The following UGT2B28 variants were observed in gnomAD, a reference collection of about 807,000 sequenced individuals.
UGT2B28 encodes the protein UDP-glucuronosyltransferase 2B28.
UGT2B28 carries 45 observed loss-of-function variants against 43.6 expected under a neutral mutation model. The observed-to-expected ratio is 1.03, with a 90% CI of 0.81 to 1.32. UGT2B28 has a LOEUF of 1.32. UGT2B28 is among the 40% of genes most tolerant of loss of function. UGT2B28 has a pLI of 0.00. For missense variants in UGT2B28, 649 were observed against 625.5 expected (o/e 1.04, Z -0.40); for synonymous variants, 204 against 208.1 (o/e 0.98, Z 0.17).
intron 4 of UGT2B28, 80 bp from the exon 5 acceptor site, chr4:69,290,510 AAC>A: frequency 6.7e-7 from 1 of 1,490,288 alleles, no homozygotes; most frequent in Non-Finnish European, 9.1e-7. Flanking sequence ...TTATCTAGAA[AAC>A]ACTGTCACTT....
intron 3 of UGT2B28, 130 bp downstream of exon 3, chr4:69,287,013 T>C: frequency 7.1e-7 from 1 of 1,403,484 alleles, no homozygotes; most frequent in East Asian, 2.6e-5. Context: ...ATATCTTGTG[T>C]AGCTTCCACC....
intron 3 of UGT2B28, among the ~76,000 whole-genome samples, chr4:69,289,114 G>T (rs549504250): frequency 7.2e-6 from 1 of 139,104 alleles, no homozygotes; most frequent in South Asian, 2.4e-4. Flanking sequence ...CCAGTAATGG[G>T]ATTGCTGGGT....
At chr4:69,282,156 T>C (rs1723632672) in intron 1 of UGT2B28, among the ~76,000 whole-genome samples, 1 of 139,296 alleles carries the variant, frequency 7.2e-6, no homozygotes, top group Non-Finnish European at 1.5e-5. Flanking sequence ...TAATTGATTA[T>C]GGAGCTCAAA....
rs191732259 is a variant in UGT2B28, at chr4:69,283,756, T to A, written c.870+1094T>A. ...TAACATGTGCAAGTCACTTGAGATATCATTCCTCATTTAAGAGAACCAGAT... is the reference window on the plus strand; with the variant it reads ...TAACATGTGCAAGTCACTTGAGATAACATTCCTCATTTAAGAGAACCAGAT... On this transcript the variant is annotated intron_variant, in intron 2 of 5. Transcript: ENST00000335568. Among the ~76,000 whole-genome samples, 292 of 140,732 alleles carry A rather than the reference T, an allele frequency of 2.1e-3. 64 individuals are homozygous for A. The highest frequency in any genetic ancestry group is 7.9e-3 in the African/African-American group (286 of 36,106). The allele number at this position is 140,732 out of a possible 152,430, so 92.3% of individuals were successfully genotyped here. A position where few individuals can be genotyped will look rare whatever the true frequency, so the allele number is the denominator to read the frequency against.
rs147189813 is a variant in UGT2B28 at position 69,294,014 on chromosome 4, G to A, written c.1311-516G>A. On this transcript the variant is annotated intron_variant, in intron 5 of 5. Coordinates refer to ENST00000335568, the MANE Select transcript of UGT2B28 (RefSeq NM_053039.2). ...ACTTACAGATGATAATTCTCACATC[G>A]CATTTTCACAATCTTTCTTACAGCA... 7.9e-5 allele frequency among the ~76,000 whole-genome samples: 11 copies of A among 140,090 alleles called. 2 individuals are homozygous for A. In the East Asian group the frequency reaches 2.1e-3, roughly 26 times the overall value. The allele number at this position is 140,090 out of a possible 152,430, so 91.9% of individuals were successfully genotyped here. A position where few individuals can be genotyped will look rare whatever the true frequency, so the allele number is the denominator to read the frequency against.
chr4:69,286,434 T>C (rs1723777149), intron 2 of UGT2B28, among the ~76,000 whole-genome samples: 1 of 140,512 alleles, frequency 7.1e-6, no homozygotes, highest in Non-Finnish European at 1.5e-5. Context: ...TATAGTATTA[T>C]AAGTGAAGAG....
rs543202069 is a variant in UGT2B28, at chr4:69,293,177, A to G, written c.1311-1353A>G. Reference sequence around the variant, plus strand: ...AAAGACACTTTTGAGTACATATTATATAATTCAATTACATAAACAAGCAAA... The same window carrying G: ...AAAGACACTTTTGAGTACATATTATGTAATTCAATTACATAAACAAGCAAA... On this transcript the variant is annotated intron_variant, in intron 5 of 5. Transcript: ENST00000335568. Among the ~76,000 whole-genome samples the G allele has an allele frequency of 4.3e-5, 6 of 140,692 alleles. 2 individuals are homozygous for G. The South Asian group carries it at 1.4e-3, about 34-fold the overall frequency. The allele number at this position is 140,692 out of a possible 152,430, so 92.3% of individuals were successfully genotyped here. A position where few individuals can be genotyped will look rare whatever the true frequency, so the allele number is the denominator to read the frequency against.
rs1315423158 is a variant in UGT2B28 at position 69,281,173 on chromosome 4, C to T, written c.673C>T (p.Gln225Ter). ...IYVLYFDFWF[Q>*]MCDMKKWDQF... is the part of the protein sequence containing the mutation. ...TGTGCTTTATTTTGACTTTTGGTTCCAAATGTGTGATATGAAGAAGTGGGA... is the reference window on the plus strand; with the variant it reads ...TGTGCTTTATTTTGACTTTTGGTTCTAAATGTGTGATATGAAGAAGTGGGA... Residue 225 changes from glutamine to a stop codon, truncating the protein, a stop_gained, in exon 1 of 6, where the codon CAA becomes TAA. Transcript: ENST00000335568. LOFTEE classifies it high-confidence loss of function. 6.5e-7 allele frequency: 1 copy of T among 1,545,588 alleles called. No individual in the cohort carries two copies. The highest frequency in any genetic ancestry group is 1.2e-5 in the South Asian group (1 of 81,008).
intron 2 of UGT2B28, among the ~76,000 whole-genome samples, chr4:69,285,721 T>A (rs1288812720): frequency 7.1e-6 from 1 of 141,474 alleles, no homozygotes; most frequent in African/African-American, 2.8e-5. Flanking sequence ...AATACTTAAA[T>A]TTAAATATCG....
Position 69,286,352 on chromosome 4 carries a change from G to C in UGT2B28, c.871-400G>C, listed in dbSNP as rs187013921. 1.0e-4 allele frequency among the ~76,000 whole-genome samples: 14 copies of C among 140,618 alleles called. 4 individuals carry two copies. Among genetic ancestry groups the C allele is most frequent in the African/African-American group, 3.6e-4 (13 of 35,938 alleles). The allele number at this position is 140,618 out of a possible 152,430, so 92.3% of individuals were successfully genotyped here. ...GAAAACATGCCTGAAATAAACACAAGTGTTTAAGTAGAAGAAAAATATAGC... is the reference window on the plus strand; with the variant it reads ...GAAAACATGCCTGAAATAAACACAACTGTTTAAGTAGAAGAAAAATATAGC... On this transcript the variant is annotated intron_variant, in intron 2 of 5. Coordinates refer to ENST00000335568, the MANE Select transcript of UGT2B28 (RefSeq NM_053039.2).
rs1440364058 is a variant in UGT2B28, at chr4:69,282,809, T to A, written c.870+147T>A. ...AGCAGATACCAAATAGAAACTCATG[T>A]ATATGTTAATACCATCACATGTATG... On this transcript the variant is annotated intron_variant, in intron 2 of 5. Coordinates refer to ENST00000335568, the MANE Select transcript of UGT2B28 (RefSeq NM_053039.2). 6.6e-6 allele frequency: 8 copies of A among 1,214,924 alleles called. 1 individual carries two copies. The Admixed American group carries it at 1.8e-4, about 28-fold the overall frequency. 75.3% of individuals were successfully genotyped at this position (1,214,924 alleles called of 1,614,324 possible).
chr4:69,291,317 A>G, intron 5 of UGT2B28, among the ~76,000 whole-genome samples: 1 of 140,482 alleles, frequency 7.1e-6, no homozygotes, highest in East Asian at 2.0e-4. Flanking sequence ...TCATGAAACT[A>G]TCACCATCAT....
rs749024093 is a variant in UGT2B28 at position 69,282,543 on chromosome 4, G to A, written c.751G>A (p.Gly251Arg). Residue 251 changes from glycine to arginine, a missense_variant, in exon 2 of 6, where the codon GGG becomes AGG. Physicochemically the swap from Gly to Arg is moderately radical, Grantham distance 125 (BLOSUM62 -2). Transcript: ENST00000335568. ...GRPTTLFETM[G>R]KADIWLMRNS... ...ACCCACTACCTTATTTGAGACAATGGGGAAAGCTGACATATGGCTTATGCG... is the reference window on the plus strand; with the variant it reads ...ACCCACTACCTTATTTGAGACAATGAGGAAAGCTGACATATGGCTTATGCG... 1.4e-5 allele frequency: 22 copies of A among 1,549,868 alleles called. 5 individuals carry two copies. In the African/African-American group the frequency reaches 3.1e-4, roughly 22 times the overall value.
rs1723675987 is a variant in UGT2B28 at position 69,283,303 on chromosome 4, G to T, written c.870+641G>T. On this transcript the variant is annotated intron_variant, in intron 2 of 5. Transcript: ENST00000335568. ...TTTTTAGGGAATGATTAAGAATCTA[G>T]ATCATACTAAGAGGTAAATTAGAGC... is the stretch of plus-strand genomic sequence containing the variant. 1.4e-5 allele frequency among the ~76,000 whole-genome samples: 2 copies of T among 139,804 alleles called. 1 individual carries two copies. Among genetic ancestry groups the T allele is most frequent in the East Asian group, 4.1e-4 (2 of 4,906 alleles). 91.7% of individuals were successfully genotyped at this position (139,804 alleles called of 152,430 possible).
rs769933935 is a variant in UGT2B28, at chr4:69,290,845, T to A, written c.1310+34T>A. ...AACAGTATTTTTCACTAGGTGGTAT[T>A]TGTAGATAGCTTCTCTTTTCAATAG... is the stretch of plus-strand genomic sequence containing the variant. On this transcript the variant is annotated intron_variant, in intron 5 of 5. Coordinates refer to ENST00000335568, the MANE Select transcript of UGT2B28 (RefSeq NM_053039.2). The A allele has an allele frequency of 4.7e-5, 73 of 1,540,484 alleles. 11 individuals carry two copies. Among genetic ancestry groups the A allele is most frequent in the Admixed American group, 1.1e-4 (6 of 55,204 alleles).
chr4:69,289,538 A>G, intron 3 of UGT2B28, 127 bp from the exon 4 acceptor site: 2 of 856,364 alleles, frequency 2.3e-6, no homozygotes, highest in Non-Finnish European at 3.3e-6. Context: ...TATTGTTTTT[A>G]CATCAATCTC....
chr4:69,287,006 T>A, intron 3 of UGT2B28, 123 bp downstream of exon 3: 1 of 1,426,842 alleles, frequency 7.0e-7, no homozygotes, highest in South Asian at 1.4e-5. Flanking sequence ...GTCTTAAATA[T>A]CTTGTGTAGC....
At chr4:69,283,683 T>G (rs1285161794) in intron 2 of UGT2B28, among the ~76,000 whole-genome samples, 1 of 140,976 alleles carries the variant, frequency 7.1e-6, no homozygotes, top group African/African-American at 2.8e-5. Context: ...TGTTATTAAT[T>G]TTGCAATTAT....
intron 3 of UGT2B28, 103 bp downstream of exon 3, chr4:69,286,986 G>A: frequency 1.4e-6 from 2 of 1,473,838 alleles, no homozygotes; most frequent in Non-Finnish European, 9.0e-7. Context: ...ACTCTTTACA[G>A]CCAAATACAG....
Sources: gnomAD v4.1 joint callset for allele counts (sites outside exome capture counted in the v4.1 genomes callset) on GRCh38, gnomAD v4.1.1 for gene constraint, MANE v1.5 for transcripts, NCBI Gene and HGNC (gene_info 2026-07-23, HGNC 2026-07-21) for gene names.